The following RAB35 variants were observed in gnomAD, a reference collection of about 807,000 sequenced individuals.
RAB35 encodes the protein ras-related protein Rab-35.
A neutral mutation model predicts 28.9 loss-of-function variants in RAB35; 4 were observed. The ratio of observed to expected loss-of-function variants is 0.14; its 90% CI spans 0.07 to 0.32. The LOEUF (loss-of-function observed/expected upper bound fraction) is 0.32. RAB35 is among the 10% of genes least tolerant of loss of function. The probability of loss-of-function intolerance (pLI) is 1.00; values close to 1 mark genes in which losing one functional copy is unlikely to be tolerated. For synonymous variants in RAB35, 99 were observed against 105.1 expected (o/e 0.94, Z 0.35); for missense variants, 128 against 274.0 (o/e 0.47, Z 3.76).
intron 2 of RAB35, among the ~76,000 whole-genome samples, chr12:120,105,460 G>A (rs752811433): frequency 1.4e-4 from 21 of 152,182 alleles, no homozygotes; most frequent in South Asian, 2.1e-4. Context: ...GACTACGAGC[G>A]CAGTGGTTCT....
intron 1 of RAB35, among the ~76,000 whole-genome samples, chr12:120,108,883 GC>G (rs1391225469): frequency 6.6e-6 from 1 of 152,232 alleles, no homozygotes; most frequent in Non-Finnish European, 1.5e-5. Flanking sequence ...TTAGGGAGCC[GC>G]CCAAAATGAA....
rs556842637 is a variant in RAB35, at chr12:120,096,863, G to C, written c.*382C>G. ...GCTTGCAGTAAGATGGGCTGGGGAG[G>C]GGCGCGGGGAGGGTCTGTTGCAGCA... On this transcript the variant is annotated 3_prime_UTR_variant, in exon 6 of 6. Transcript: ENST00000229340. 7.7e-7 allele frequency: 1 copy of C among 1,302,258 alleles called. No homozygotes were observed. The highest frequency in any genetic ancestry group is 1.2e-5 in the South Asian group (1 of 81,128). 80.7% of individuals were successfully genotyped at this position (1,302,258 alleles called of 1,614,324 possible). A position where few individuals can be genotyped will look rare whatever the true frequency, so the allele number is the denominator to read the frequency against.
chr12:120,100,453 G>A (rs2139050096), intron 3 of RAB35, among the ~76,000 whole-genome samples: 1 of 152,360 alleles, frequency 6.6e-6, no homozygotes, highest in South Asian at 2.1e-4. Flanking sequence ...AGGCGGGGGA[G>A]CAGTAAACAG....
At chr12:120,105,209 T>A (rs957734064) in intron 2 of RAB35, among the ~76,000 whole-genome samples, 1 of 152,058 alleles carries the variant, frequency 6.6e-6, no homozygotes, top group Non-Finnish European at 1.5e-5. Context: ...AGGTTGAGAT[T>A]AGGTAGGGGA....
At chr12:120,111,214 C>G (rs1334245107) in intron 1 of RAB35, among the ~76,000 whole-genome samples, 2 of 152,264 alleles carry the variant, frequency 1.3e-5, no homozygotes, top group African/African-American at 4.8e-5. Flanking sequence ...CAGCAGGCGC[C>G]TAAGCAGGGG....
Position 120,103,043 on chromosome 12 carries a change from C to T in RAB35, c.227+783G>A, listed in dbSNP as rs532467297. 3.3e-5 allele frequency among the ~76,000 whole-genome samples: 5 copies of T among 152,330 alleles called. No homozygotes were observed. The highest frequency in any genetic ancestry group is 1.9e-4 in the East Asian group (1 of 5,180). On this transcript the variant is annotated intron_variant, in intron 3 of 5. Coordinates refer to ENST00000229340, the MANE Select transcript of RAB35 (RefSeq NM_006861.7). This position sits in a 1 kb window ranked among gnomAD's most constrained non-coding sequence, Gnocchi z 6.1. ...GACGCCTGCAGCAGAGCACCTGGCA[C>T]CCTCCACATGGAAGCCAATCCCAGA... is the stretch of plus-strand genomic sequence containing the variant.
At chr12:120,105,916 C>CAAAAAAAA (rs61681731) in intron 2 of RAB35, among the ~76,000 whole-genome samples, 3 of 49,816 alleles carry the variant, frequency 6.0e-5, no homozygotes, top group Non-Finnish European at 1.4e-4. Context: ...GACTCCGTCT[C>CAAAAAAAA]AAAAAAAAAA....
Position 120,108,471 on chromosome 12 carries a change from C to T in RAB35, c.53-4G>A, listed in dbSNP as rs1875979751. 6.2e-7 allele frequency: 1 copy of T among 1,613,882 alleles called. No individual in the cohort carries two copies. The highest frequency in any genetic ancestry group is 8.5e-7 in the Non-Finnish European group (1 of 1,179,744). ...AGTAAACTGCTCTTGCCCACACCTG[C>T]AAGAGAGAAAGCACTGCGATGAGGG... On this transcript the variant is annotated splice_region_variant and splice_polypyrimidine_tract_variant and intron_variant, in intron 1 of 5. Coordinates refer to ENST00000229340, the MANE Select transcript of RAB35 (RefSeq NM_006861.7).
In RAB35 at chr12:120,100,146, C is replaced by T. The variant is rs80075005; in HGVS notation, c.228-992G>A. Among the ~76,000 whole-genome samples the T allele has an allele frequency of 5.9e-3, 895 of 152,326 alleles. 9 individuals are homozygous for T. The highest frequency in any genetic ancestry group is 0.02 in the African/African-American group (818 of 41,572). On this transcript the variant is annotated intron_variant, in intron 3 of 5. Transcript: ENST00000229340. ...GAGGTTCATGGGGACAGCCCAAGCCCCAGTTCAGGAACAGCCCAAGTCAGC... is the reference window on the plus strand; with the variant it reads ...GAGGTTCATGGGGACAGCCCAAGCCTCAGTTCAGGAACAGCCCAAGTCAGC...
intron 1 of RAB35, among the ~76,000 whole-genome samples, chr12:120,110,412 C>T (rs1876071257): frequency 6.6e-6 from 1 of 150,978 alleles, no homozygotes; most frequent in Admixed American, 6.6e-5. Context: ...CCACCACACC[C>T]AGCAAACTCT....
intron 1 of RAB35, among the ~76,000 whole-genome samples, chr12:120,115,958 G>A (rs886765425): frequency 2.6e-5 from 4 of 152,100 alleles, no homozygotes; most frequent in African/African-American, 9.7e-5. Flanking sequence ...ACCACGCAGG[G>A]ATATAATAAT....
intron 1 of RAB35, among the ~76,000 whole-genome samples, chr12:120,112,105 T>C (rs972337389): frequency 1.3e-5 from 2 of 151,594 alleles, no homozygotes; most frequent in Non-Finnish European, 2.9e-5. Context: ...GCCTCCGGAG[T>C]AGCTGGGATT....
At chr12:120,110,325 T>G (rs1425694412) in intron 1 of RAB35, among the ~76,000 whole-genome samples, 1 of 113,556 alleles carries the variant, frequency 8.8e-6, no homozygotes, top group Non-Finnish European at 1.8e-5. Flanking sequence ...GGCCTTACTC[T>G]GTCTCTCAGG....
Position 120,099,377 on chromosome 12 carries a change from G to A in RAB35, c.228-223C>T, listed in dbSNP as rs1417560884. 6.6e-6 allele frequency: 4 copies of A among 604,794 alleles called. No individual in the cohort carries two copies. In the African/African-American group the frequency reaches 7.4e-5, roughly 11 times the overall value. 37.5% of individuals were successfully genotyped at this position (604,794 alleles called of 1,614,324 possible). A position where few individuals can be genotyped will look rare whatever the true frequency, so the allele number is the denominator to read the frequency against. ...CCCTGCCCGCCCGGGGCACCAACAG[G>A]GCGGGAGGGCCAGCCCCTGGGCAGC... On this transcript the variant is annotated intron_variant, in intron 3 of 5. Transcript: ENST00000229340.
chr12:120,108,557 C>T (rs1253166644), intron 1 of RAB35, 90 bp from the exon 2 acceptor site: 4 of 1,273,512 alleles, frequency 3.1e-6, no homozygotes, highest in Non-Finnish European at 4.5e-6. Context: ...TGCCTCAGTC[C>T]CAACTCTTAA....
At chr12:120,102,541 A>C (rs1250402848) in intron 3 of RAB35, among the ~76,000 whole-genome samples, 1 of 152,142 alleles carries the variant, frequency 6.6e-6, no homozygotes, top group Non-Finnish European at 1.5e-5. Context: ...GGGCCACAGC[A>C]CAAATGTGCT....
intron 5 of RAB35, among the ~76,000 whole-genome samples, chr12:120,097,879 CTTT>C (rs1043936271): frequency 4.7e-5 from 6 of 127,694 alleles, no homozygotes; most frequent in Non-Finnish European, 3.3e-5. Flanking sequence ...CAGCTGGAAT[CTTT>C]TTTTTTTTTT....
Position 120,095,852 on chromosome 12 carries a change from C to G in RAB35, c.*1393G>C. The G allele has an allele frequency of 6.5e-6, 1 of 153,724 alleles. No individual in the cohort carries two copies. The highest frequency in any genetic ancestry group is 1.9e-4 in the East Asian group (1 of 5,208). The allele number at this position is 153,724 out of a possible 1,614,324, so 9.5% of individuals were successfully genotyped here. On this transcript the variant is annotated 3_prime_UTR_variant, in exon 6 of 6. Transcript: ENST00000229340. ...TCCAATCAGGGCTCTCCCTGGAAAT[C>G]GCCTAGGAAAGGAAATCTAAGGAAA... is the stretch of plus-strand genomic sequence containing the variant.
chr12:120,108,820 T>C, intron 1 of RAB35: 1 of 423,174 alleles, frequency 2.4e-6, no homozygotes, highest in Non-Finnish European at 4.5e-6. Flanking sequence ...GGCCCCCAAG[T>C]GCGTCTACAA....
Sources: gnomAD v4.1 joint callset for allele counts (sites outside exome capture counted in the v4.1 genomes callset) on GRCh38, gnomAD v4.1.1 for gene constraint, Gnocchi (gnomAD v3.1) non-coding constraint, MANE v1.5 for transcripts, NCBI Gene and HGNC (gene_info 2026-07-23, HGNC 2026-07-21) for gene names.